Variants in COL12A1 observed in about 807,000 individuals in gnomAD.
COL12A1 encodes collagen type XII alpha 1 chain.
In COL12A1, 114 loss-of-function variants were observed where a neutral mutation model predicts 349.7. The observed-to-expected ratio is 0.33, with a 90% CI of 0.28 to 0.38. COL12A1 has a LOEUF of 0.38. Among genes scored for constraint, COL12A1 ranks in the 10% least tolerant of loss-of-function variants. The pLI, the probability that COL12A1 is intolerant of heterozygous loss-of-function variation, is 1.00. For missense variants in COL12A1, 3,284 were observed against 3,756.9 expected (o/e 0.87, Z 3.29); for synonymous variants, 1,369 against 1,329.0 (o/e 1.03, Z -0.66).
Position 75,175,175 on chromosome 6 carries a change from T to A in COL12A1, c.2573A>T (p.Glu858Val). Reference sequence around the variant, plus strand: ...GGTTGTATCTCCCCTCACAGTGACCTCTTGAGTTTCACCCCCTGCCACTGG... The same window carrying A: ...GGTTGTATCTCCCCTCACAGTGACCACTTGAGTTTCACCCCCTGCCACTGG... ...YTPVAGGETQ[E>V]VTVRGDTTNT... The change falls in exon 13 of 66, where the codon GAG becomes GTG. Residue 858 changes from glutamate (E) to valine (V), a missense_variant. Physicochemically the swap from Glu to Val is moderately radical, Grantham distance 121. Around this residue, in one of 2 missense-constraint regions of COL12A1, gnomAD observed 2,601 missense variants for 2,824.8 expected, o/e 0.92. Coordinates refer to ENST00000322507, the MANE Select transcript of COL12A1 (RefSeq NM_004370.6). 1 of 1,614,146 alleles carries A rather than the reference T, an allele frequency of 6.2e-7. No homozygotes were observed. Among genetic ancestry groups the A allele is most frequent in the Non-Finnish European group, 8.5e-7 (1 of 1,180,018 alleles).
At chr6:75,148,212 G>C in intron 22 of COL12A1, 146 bp downstream of exon 22, 2 of 677,622 alleles carry the variant, frequency 3.0e-6, no homozygotes, top group Non-Finnish European at 2.3e-6. Context: ...GCCTAGCAAA[G>C]TCAAGAATAG....
chr6:75,156,208 T>G (rs1017734709), intron 15 of COL12A1, 49 bp downstream of exon 15: 1 of 1,598,064 alleles, frequency 6.3e-7, no homozygotes, highest in Non-Finnish European at 8.5e-7. Context: ...AAGTCATCTT[T>G]TAAAACATTA....
intron 62 of COL12A1, 96 bp downstream of exon 62, chr6:75,091,227 G>A (rs1200324092): frequency 6.1e-6 from 6 of 989,856 alleles, no homozygotes; most frequent in African/African-American, 1.6e-5. Flanking sequence ...AAATGAAAGA[G>A]AAATCTATCT....
intron 32 of COL12A1, among the ~76,000 whole-genome samples, chr6:75,134,414 A>G (rs562653179): frequency 1.3e-5 from 2 of 151,996 alleles, no homozygotes; most frequent in Non-Finnish European, 2.9e-5. Context: ...TACCAAAAAT[A>G]TAAAAAATTA....
chr6:75,134,004 TG>T lies in COL12A1; in HGVS notation c.5525-8del. The stretch of plus-strand genomic sequence containing the variant: ...CTTACAGTGTTTAGAGGTTCTGAAA[TG>T]CACAGAAATCCCATCACAGTATAAT... On this transcript the variant is annotated splice_region_variant and splice_polypyrimidine_tract_variant and intron_variant, in intron 32 of 65. Transcript: ENST00000322507. 1 of 1,611,390 alleles carries T rather than the reference TG, an allele frequency of 6.2e-7. No homozygotes were observed. The highest frequency in any genetic ancestry group is 8.5e-7 in the Non-Finnish European group (1 of 1,178,658).
intron 8 of COL12A1, among the ~76,000 whole-genome samples, chr6:75,187,571 T>C (rs1379853180): frequency 6.6e-6 from 1 of 152,002 alleles, no homozygotes; most frequent in Non-Finnish European, 1.5e-5. Flanking sequence ...AAAGGATAGA[T>C]TGAGAGCCCA....
chr6:75,191,912 C>A, intron 4 of COL12A1, 152 bp from the exon 5 acceptor site: 1 of 494,732 alleles, frequency 2.0e-6, no homozygotes, highest in South Asian at 5.3e-5. Flanking sequence ...ATAATCATTC[C>A]CTTACAAGTA....
chr6:75,101,708 G>A, intron 57 of COL12A1, 55 bp from the exon 58 acceptor site: 1 of 1,566,616 alleles, frequency 6.4e-7, no homozygotes, highest in Non-Finnish European at 8.6e-7. Context: ...CTGTGTGGGA[G>A]AGAATCTTTG....
rs1768834504 is a variant in COL12A1 at position 75,174,912 on chromosome 6, A to AAG, written c.2710+125_2710+126insCT. The AAG allele has an allele frequency of 2.8e-6, 3 of 1,090,098 alleles. No individual in the cohort carries two copies. In the Admixed American group the frequency reaches 7.7e-5, roughly 28 times the overall value. 67.5% of individuals were successfully genotyped at this position (1,090,098 alleles called of 1,614,324 possible). ...GAGCTTTATGGTTATTTGTTTTTCA[A>AAG]TATGGATTCTTTTTAAGAGAAAGGA... On this transcript the variant is annotated intron_variant, in intron 13 of 65. Coordinates refer to ENST00000322507, the MANE Select transcript of COL12A1 (RefSeq NM_004370.6).
intron 8 of COL12A1, among the ~76,000 whole-genome samples, chr6:75,185,411 C>A (rs144155742): frequency 1.5e-3 from 230 of 152,260 alleles, no homozygotes; most frequent in African/African-American, 5.4e-3. Context: ...AGGAATACAG[C>A]TAACTAGTTA....
At chr6:75,126,561 G>A in intron 38 of COL12A1, 91 bp from the exon 39 acceptor site, 1 of 1,374,374 alleles carries the variant, frequency 7.3e-7, no homozygotes, top group Non-Finnish European at 9.8e-7. Flanking sequence ...AAAGCCCAAT[G>A]GGAGCAATTT....
intron 13 of COL12A1, among the ~76,000 whole-genome samples, chr6:75,167,438 C>T (rs928638905): frequency 2.6e-5 from 4 of 152,088 alleles, no homozygotes; most frequent in Non-Finnish European, 4.4e-5. Flanking sequence ...GCTGCATTAA[C>T]GACGTTTCAA....
At chr6:75,143,230 T>A in intron 26 of COL12A1, 22 bp downstream of exon 26, 1 of 1,612,354 alleles carries the variant, frequency 6.2e-7, no homozygotes. Context: ...TATTTTCATA[T>A]CTACTATCAT....
At chr6:75,165,930 C>G in intron 13 of COL12A1, 151 bp from the exon 14 acceptor site, 1 of 709,904 alleles carries the variant, frequency 1.4e-6, no homozygotes, top group Non-Finnish European at 2.3e-6. Flanking sequence ...GTTGTCCATC[C>G]TATTCTGTCT....
chr6:75,203,892 G>C (rs1770648629), intron 1 of COL12A1, among the ~76,000 whole-genome samples: 1 of 152,234 alleles, frequency 6.6e-6, no homozygotes, highest in South Asian at 2.1e-4. Context: ...CAGGAAAAAT[G>C]GAGGGGGATA....
chr6:75,174,917 G>C (rs2149451503), intron 13 of COL12A1, 121 bp downstream of exon 13: 1 of 1,123,368 alleles, frequency 8.9e-7, no homozygotes, highest in Non-Finnish European at 1.3e-6. Context: ...TTTCAATATG[G>C]ATTCTTTTTA....
At chr6:75,120,320 T>C (rs1482462568) in intron 44 of COL12A1, among the ~76,000 whole-genome samples, 1 of 152,192 alleles carries the variant, frequency 6.6e-6, no homozygotes, top group African/African-American at 2.4e-5. Context: ...TGAAATTTAG[T>C]ATACTACTAT....
rs529733685 is a variant in COL12A1 at position 75,166,675 on chromosome 6, C to T, written c.2711-896G>A. 2.6e-5 allele frequency among the ~76,000 whole-genome samples: 4 copies of T among 152,232 alleles called. No individual in the cohort carries two copies. In the South Asian group the frequency reaches 8.3e-4, roughly 32 times the overall value. ...GACATAAATACAAATCTATCTGCTT[C>T]CCAGCATACATTTTACCAGTAATTG... On this transcript the variant is annotated intron_variant, in intron 13 of 65. Transcript: ENST00000322507.
At chr6:75,103,168 G>T (rs990092256) in intron 55 of COL12A1, among the ~76,000 whole-genome samples, 1 of 152,196 alleles carries the variant, frequency 6.6e-6, no homozygotes, top group Non-Finnish European at 1.5e-5. Context: ...GATGGAAAAG[G>T]CACAACCTTG....
Sources: gnomAD v4.1 joint callset for allele counts (sites outside exome capture counted in the v4.1 genomes callset) on GRCh38, gnomAD v4.1.1 for gene constraint, gnomAD v4.1.1 regional missense constraint, MANE v1.5 for transcripts, NCBI Gene and HGNC (gene_info 2026-07-23, HGNC 2026-07-21) for gene names.